The following CHM variants were observed in gnomAD, a reference collection of about 807,000 sequenced individuals.
CHM encodes the protein CHM Rab escort protein.
Under a neutral mutation model 49.0 loss-of-function variants are expected in CHM, and 10 were observed. That is an observed-to-expected ratio of 0.20 (90% CI 0.13 to 0.35). CHM has a LOEUF of 0.35. Ranked by LOEUF, CHM falls within the 10% of genes least tolerant of loss-of-function variation. CHM has a pLI of 1.00. For synonymous variants in CHM, 184 were observed against 167.5 expected (o/e 1.10, Z -0.76); for missense variants, 455 against 478.4 (o/e 0.95, Z 0.46).
chrX:85,952,483 C>T (rs760455772), intron 8 of CHM, among the ~76,000 whole-genome samples: 231 of 111,569 alleles, frequency 2.1e-3, no homozygotes, highest in Admixed American at 3.7e-3. Context: ...GAACCCATTG[C>T]CTTCAAAGGA....
At chrX:85,920,141 G>A (rs1180128121) in intron 8 of CHM, among the ~76,000 whole-genome samples, 1 of 109,004 alleles carries the variant, frequency 9.2e-6, no homozygotes, top group Non-Finnish European at 1.9e-5. Flanking sequence ...TGTCGCCCAG[G>A]CTGGAGTGCA....
chrX:85,910,688 A>G (rs761047920), intron 9 of CHM, among the ~76,000 whole-genome samples: 2 of 111,632 alleles, frequency 1.8e-5, no homozygotes, highest in South Asian at 7.5e-4. Context: ...ATGGTTTATG[A>G]CAACAATCTA....
rs1382980558 is a variant in CHM, at chrX:86,006,738, C to T, written c.116+20753G>A. Among the ~76,000 whole-genome samples, 3 of 111,371 alleles carry T rather than the reference C, an allele frequency of 2.7e-5. No individual in the cohort carries two copies. The Admixed American group carries it at 2.9e-4, about 11-fold the overall frequency. ...GACCTCTTCAAAGAGAACAACAAAC[C>T]ACTGCTCAAGGAAATAAAAGAGGAC... On this transcript the variant is annotated intron_variant, in intron 2 of 14. Transcript: ENST00000357749.
rs762643854 is a variant in CHM, at chrX:85,893,299, T to C, written c.1510+889A>G. Among the ~76,000 whole-genome samples, 13 of 111,912 alleles carry C rather than the reference T, an allele frequency of 1.2e-4. No individual in the cohort carries two copies. The East Asian group carries it at 2.8e-3, about 24-fold the overall frequency. ...TTTACTGAAATAGCCTCAAGAAATA[T>C]GTTGTAGAATGCATGATATCTAATG... On this transcript the variant is annotated intron_variant, in intron 12 of 14. Coordinates refer to ENST00000357749, the MANE Select transcript of CHM (RefSeq NM_000390.4).
At chrX:85,876,926 G>GTTTT (rs1924455450) in intron 13 of CHM, among the ~76,000 whole-genome samples, 1 of 110,746 alleles carries the variant, frequency 9.0e-6, no homozygotes, top group Non-Finnish European at 1.9e-5. Context: ...GAAGAGTAAT[G>GTTTT]ACATGATTCA....
chrX:85,866,748 G>A (rs1923725736), intron 14 of CHM, among the ~76,000 whole-genome samples: 1 of 113,206 alleles, frequency 8.8e-6, no homozygotes, highest in Non-Finnish European at 1.9e-5. Flanking sequence ...GCCTGGATGT[G>A]AGACATGGAG....
At chrX:86,008,437 G>A (rs1603277593) in intron 2 of CHM, among the ~76,000 whole-genome samples, 1 of 110,913 alleles carries the variant, frequency 9.0e-6, no homozygotes, top group South Asian at 3.9e-4. Flanking sequence ...CATGTTCATG[G>A]CACCTATATT....
intron 12 of CHM, among the ~76,000 whole-genome samples, chrX:85,892,794 G>T (rs745321704): frequency 8.9e-6 from 1 of 111,752 alleles, no homozygotes; most frequent in Non-Finnish European, 1.9e-5. Context: ...CCATTTTTAA[G>T]TAGTAGCTCT....
chrX:85,918,808 A>C (rs1294159979), intron 8 of CHM, among the ~76,000 whole-genome samples: 3 of 112,165 alleles, frequency 2.7e-5, no homozygotes, highest in Non-Finnish European at 5.6e-5. Context: ...ATAATGATAA[A>C]GGTTTCAATT....
At chrX:86,037,110 C>CTTTTT (rs1048558599) in intron 1 of CHM, among the ~76,000 whole-genome samples, 1 of 70,778 alleles carries the variant, frequency 1.4e-5, no homozygotes, top group Non-Finnish European at 2.7e-5. Context: ...CTAATTTTTC[C>CTTTTT]TTTTTTTTTT....
At chrX:85,939,368 AAT>A (rs1928971051) in intron 8 of CHM, among the ~76,000 whole-genome samples, 1 of 112,569 alleles carries the variant, frequency 8.9e-6, no homozygotes, top group African/African-American at 3.2e-5. Context: ...AACAAAAAAT[AAT>A]ACTTATGTTA....
intron 14 of CHM, among the ~76,000 whole-genome samples, chrX:85,867,443 G>T (rs972472075): frequency 4.5e-5 from 5 of 112,155 alleles, no homozygotes; most frequent in Admixed American, 9.4e-5. Flanking sequence ...ATAGCAGTGT[G>T]AGGACAGACT....
chrX:86,043,678 G>A lies in CHM; in HGVS notation c.49+3806C>T, dbSNP rs373813112. On this transcript the variant is annotated intron_variant, in intron 1 of 14. Coordinates refer to ENST00000357749, the MANE Select transcript of CHM (RefSeq NM_000390.4). ...TGAGCTCAAGCAATCCACCTGCCTC[G>A]GCTTCCCCAAGTGCTGGGATTACAG... 2.8e-3 allele frequency among the ~76,000 whole-genome samples: 304 copies of A among 110,510 alleles called. 2 individuals are homozygous for A. The Middle Eastern group carries it at 0.028, about 10-fold the overall frequency.
At chrX:86,031,295 A>G (rs1288364715) in intron 1 of CHM, among the ~76,000 whole-genome samples, 1 of 111,590 alleles carries the variant, frequency 9.0e-6, no homozygotes, top group East Asian at 2.8e-4. Context: ...TTGCACACTT[A>G]AAAATTTGTT....
At position 86,025,416 on chromosome X, in the gene CHM, C is replaced by T. The variant is rs747814298; in HGVS notation, c.116+2075G>A. On this transcript the variant is annotated intron_variant, in intron 2 of 14. Transcript: ENST00000357749. ...AAGAAAACACAAAATAGGCCAGGTA[C>T]GGTAGTTCATGCCTGTAATCCCAGC... 5.4e-5 allele frequency among the ~76,000 whole-genome samples: 6 copies of T among 111,018 alleles called. No individual in the cohort carries two copies. The South Asian group carries it at 1.1e-3, about 21-fold the overall frequency.
intron 11 of CHM, among the ~76,000 whole-genome samples, chrX:85,895,015 T>G (rs781527077): frequency 9.0e-6 from 1 of 111,410 alleles, no homozygotes; most frequent in Non-Finnish European, 1.9e-5. Flanking sequence ...AAAAGTAAAA[T>G]GTAAAATTAT....
intron 14 of CHM, among the ~76,000 whole-genome samples, chrX:85,870,865 C>A (rs994728410): frequency 9.0e-6 from 1 of 111,468 alleles, no homozygotes; most frequent in Non-Finnish European, 1.9e-5. Flanking sequence ...AGACAGATCA[C>A]TTTATGTTTT....
At chrX:86,026,200 A>T (rs1384605710) in intron 2 of CHM, among the ~76,000 whole-genome samples, 1 of 85,786 alleles carries the variant, frequency 1.2e-5, no homozygotes, top group Non-Finnish European at 2.1e-5. Context: ...GCTTACTGCA[A>T]CCTCCACCAC....
intron 13 of CHM, 79 bp from the exon 14 acceptor site, chrX:85,873,291 G>T: frequency 1.4e-6 from 1 of 739,782 alleles, no homozygotes; most frequent in Non-Finnish European, 2.0e-6. Flanking sequence ...GCCTATTACC[G>T]ATTAAGCCAT....
Sources: allele counts gnomAD v4.1 joint callset (sites outside exome capture counted in the v4.1 genomes callset), GRCh38; gene constraint gnomAD v4.1.1; transcripts MANE v1.5; gene names NCBI Gene and HGNC (gene_info 2026-07-23, HGNC 2026-07-21).